The following SYTL2 variants were observed in gnomAD, a reference collection of about 807,000 sequenced individuals.
SYTL2 encodes synaptotagmin like 2, also known as synaptotagmin-like protein 2.
In SYTL2, 165 loss-of-function variants were observed where a neutral mutation model predicts 198.7. The observed-to-expected ratio is 0.83, with a 90% CI of 0.73 to 0.94. The LOEUF (loss-of-function observed/expected upper bound fraction) is 0.94. Among genes scored for constraint, SYTL2 ranks in the 40% least tolerant of loss-of-function variants. SYTL2 has a pLI of 0.00. For missense variants in SYTL2, 2,835 were observed against 2,582.8 expected, an observed-to-expected ratio of 1.10 and a Z score of -2.12; for synonymous variants, 966 against 917.7, an observed-to-expected ratio of 1.05 and a Z score of -0.95.
chr11:85,736,754 C>T lies in SYTL2; in HGVS notation c.472-139G>A, dbSNP rs541115134. The T allele has an allele frequency of 3.6e-5, 22 of 618,488 alleles. No homozygotes were observed. In the African/African-American group the frequency reaches 4.2e-4, roughly 12 times the overall value. The allele number at this position is 618,488 out of a possible 1,614,324, so 38.3% of individuals were successfully genotyped here. ...TTGGCATGTTTGAAAAACAGTTGTC[C>T]TGATTAATCTGCTTAGCACAGAGTT... On this transcript the variant is annotated intron_variant, in intron 5 of 19. Coordinates refer to ENST00000359152, the MANE Select transcript of SYTL2 (RefSeq NM_206927.4).
the SYTL2 span, chr11:85,853,246 G>C: frequency 2.3e-6 from 1 of 429,728 alleles, no homozygotes; most frequent in South Asian, 1.6e-5. Context: ...AAAAGATAGA[G>C]AAATCAGATT....
chr11:85,830,052 G>A, the SYTL2 span, among the ~76,000 whole-genome samples: 1 of 152,166 alleles, frequency 6.6e-6, no homozygotes, highest in Non-Finnish European at 1.5e-5. Context: ...TAACTACCCT[G>A]TGGTTGGGAT....
At chr11:85,702,920 A>T (rs1359343884) in intron 16 of SYTL2, among the ~76,000 whole-genome samples, 1 of 152,250 alleles carries the variant, frequency 6.6e-6, no homozygotes, top group Admixed American at 6.5e-5. Context: ...GACAATGTTA[A>T]GATAGAGAAT....
the SYTL2 span, among the ~76,000 whole-genome samples, chr11:85,830,677 T>C: frequency 1.3e-5 from 2 of 152,206 alleles, no homozygotes; most frequent in African/African-American, 4.8e-5. Context: ...GATAGGAATA[T>C]GTGGATAAAT....
At chr11:85,807,530 A>G (rs1226680619) in intron 1 of SYTL2, among the ~76,000 whole-genome samples, 1 of 152,232 alleles carries the variant, frequency 6.6e-6, no homozygotes, top group Non-Finnish European at 1.5e-5. Context: ...ATAAAAGTGG[A>G]AACCAGCTCA....
At chr11:85,825,857 T>A in the SYTL2 span, among the ~76,000 whole-genome samples, 184 of 152,248 alleles carry the variant, frequency 1.2e-3, no homozygotes, top group Non-Finnish European at 1.9e-3. Flanking sequence ...GCACTAATCA[T>A]GATTTCATAG....
intron 14 of SYTL2, among the ~76,000 whole-genome samples, 165 bp from the exon 15 acceptor site, chr11:85,707,696 T>TGTAAA (rs1010071896): frequency 6.6e-6 from 1 of 152,154 alleles, no homozygotes; most frequent in African/African-American, 2.4e-5. Context: ...TACTTAAATG[T>TGTAAA]GTAAAGGGTT....
At chr11:85,835,784 C>T in the SYTL2 span, among the ~76,000 whole-genome samples, 4 of 152,126 alleles carry the variant, frequency 2.6e-5, no homozygotes, top group Non-Finnish European at 5.9e-5. Context: ...GACGTGTTTT[C>T]TCTTGAGAAA....
In SYTL2 at chr11:85,709,498, C is replaced by A; in HGVS notation, c.5748G>T (p.Val1916=). Residue 1916 remains valine, a splice_region_variant and synonymous_variant, in exon 14 of 20, where the codon GTG becomes GTT. Transcript: ENST00000359152. ...TATAAACACTCATCACACTGCCACT[C>A]ACCTGAAAGCATCAGAAATACATAG... ...SSSGMTSLSS[V]SGSVMSVYSG... The A allele has an allele frequency of 6.2e-7, 1 of 1,613,470 alleles. No homozygotes were observed. The highest frequency in any genetic ancestry group is 8.5e-7 in the Non-Finnish European group (1 of 1,179,878).
the SYTL2 span, among the ~76,000 whole-genome samples, chr11:85,818,091 C>A: frequency 6.6e-6 from 1 of 151,742 alleles, no homozygotes; most frequent in Admixed American, 6.6e-5. Flanking sequence ...TTAGTAGAGA[C>A]AGGGTTTCAC....
At chr11:85,847,254 G>C in the SYTL2 span, among the ~76,000 whole-genome samples, 55 of 152,144 alleles carry the variant, frequency 3.6e-4, no homozygotes, top group African/African-American at 1.3e-3. Context: ...GGCCATCACT[G>C]ATCTGCTTCC....
In SYTL2 at chr11:85,800,188, T is replaced by C. The variant is rs370194098; in HGVS notation, c.-390+10766A>G. On this transcript the variant is annotated intron_variant, in intron 1 of 19. Coordinates refer to ENST00000359152, the MANE Select transcript of SYTL2 (RefSeq NM_206927.4). ...ACCAAACCAGAATCTATCAAAGGAC[T>C]AGACTGAGACTTGACTAACACAGTG... 1.5e-4 allele frequency among the ~76,000 whole-genome samples: 23 copies of C among 152,248 alleles called. No homozygotes were observed. In the South Asian group the frequency reaches 2.3e-3, roughly 15 times the overall value.
the SYTL2 span, among the ~76,000 whole-genome samples, chr11:85,846,983 C>T: frequency 1.2e-4 from 19 of 152,178 alleles, no homozygotes; most frequent in Non-Finnish European, 5.9e-5. Flanking sequence ...ATCCACCTGC[C>T]TCGGCCTCCC....
chr11:85,769,401 T>C (rs1409408233), intron 1 of SYTL2, among the ~76,000 whole-genome samples: 1 of 152,148 alleles, frequency 6.6e-6, no homozygotes, highest in Non-Finnish European at 1.5e-5. Context: ...GAAGGGGCCA[T>C]GAGCCAAGGA....
the SYTL2 span, among the ~76,000 whole-genome samples, chr11:85,832,041 G>A: frequency 6.6e-6 from 1 of 151,998 alleles, no homozygotes; most frequent in Non-Finnish European, 1.5e-5. Flanking sequence ...ACTCATCAAG[G>A]GCTGAAAGTT....
chr11:85,737,591 T>A lies in SYTL2; in HGVS notation c.455A>T (p.Asn152Ile). 6.2e-7 allele frequency: 1 copy of A among 1,613,770 alleles called. No individual in the cohort carries two copies. Among genetic ancestry groups the A allele is most frequent in the Non-Finnish European group, 8.5e-7 (1 of 1,179,680 alleles). Reference sequence around the variant, plus strand: ...TCAGTCTACCTTCTCTGGAGACACATTTGGTTTCCTTGTGTTTTCCTGGGA... The same window carrying A: ...TCAGTCTACCTTCTCTGGAGACACAATTGGTTTCCTTGTGTTTTCCTGGGA... Reference protein sequence around the residue: ...DMSQENTRKPNVSPEKQRKNP... With the variant: ...DMSQENTRKPIVSPEKQRKNP... Residue 152 changes from asparagine (N) to isoleucine (I), a missense_variant, in exon 5 of 20, where the codon AAT becomes ATT. Asn to Ile is a moderately radical substitution (Grantham distance 149, BLOSUM62 -3). Transcript: ENST00000359152.
chr11:85,700,560 C>T lies in SYTL2; in HGVS notation c.6223G>A (p.Gly2075Ser), dbSNP rs1189148516. The T allele has an allele frequency of 6.2e-7, 1 of 1,613,870 alleles. No individual in the cohort carries two copies. Among genetic ancestry groups the T allele is most frequent in the African/African-American group, 1.3e-5 (1 of 74,884 alleles). The change falls in exon 17 of 20, where the codon GGT becomes AGT. Residue 2075 changes from glycine to serine, a missense_variant. Coordinates refer to ENST00000359152, the MANE Select transcript of SYTL2 (RefSeq NM_206927.4). Reference protein sequence around the residue: ...APVALEAENRGEMKLALQYVP... With the variant: ...APVALEAENRSEMKLALQYVP... Reference sequence around the variant, plus strand: ...TACTGGAGAGCTAGTTTCATTTCACCTCTGTTTTCTGCTTCAAGGGCAACT... The same window carrying T: ...TACTGGAGAGCTAGTTTCATTTCACTTCTGTTTTCTGCTTCAAGGGCAACT...
chr11:85,755,017 A>G (rs911381528), intron 2 of SYTL2, among the ~76,000 whole-genome samples: 3 of 152,154 alleles, frequency 2.0e-5, no homozygotes, highest in Non-Finnish European at 4.4e-5. Context: ...CTGATATGGA[A>G]CAACAACAAA....
the SYTL2 span, among the ~76,000 whole-genome samples, chr11:85,820,550 C>T: frequency 2.6e-5 from 4 of 152,228 alleles, no homozygotes; most frequent in African/African-American, 7.2e-5. Context: ...GACATTCTAA[C>T]TCTGGGGGTG....
Sources: allele counts gnomAD v4.1 joint callset (sites outside exome capture counted in the v4.1 genomes callset), GRCh38; gene constraint gnomAD v4.1.1; transcripts MANE v1.5; gene names NCBI Gene and HGNC (gene_info 2026-07-23, HGNC 2026-07-21).